SCLT1: variants seen among roughly 807,000 people sequenced by gnomAD.
SCLT1 encodes sodium channel and clathrin linker 1.
In SCLT1, 78 loss-of-function variants were observed where a neutral mutation model predicts 112.8. The observed-to-expected ratio is 0.69, with a 90% CI of 0.58 to 0.83. The LOEUF (loss-of-function observed/expected upper bound fraction) is 0.83, where lower values mean the gene tolerates loss of function less well. Ranked by LOEUF, SCLT1 falls within the 40% of genes least tolerant of loss-of-function variation. The probability of loss-of-function intolerance (pLI) is 0.00; values close to 1 mark genes in which losing one functional copy is unlikely to be tolerated. For missense variants in SCLT1, 747 were observed against 770.4 expected (o/e 0.97, Z 0.36); for synonymous variants, 257 against 254.7 (o/e 1.01, Z -0.09).
At chr4:128,958,175 C>T (rs143402138) in intron 12 of SCLT1, among the ~76,000 whole-genome samples, 1 of 152,246 alleles carries the variant, frequency 6.6e-6, no homozygotes, top group African/African-American at 2.4e-5. Flanking sequence ...TGTTCTGTTC[C>T]CACCATCTTC....
intron 18 of SCLT1, among the ~76,000 whole-genome samples, chr4:128,919,877 T>C (rs1241536512): frequency 1.3e-5 from 2 of 151,838 alleles, no homozygotes; most frequent in African/African-American, 4.8e-5. Context: ...AACAAACCAA[T>C]AGTGAGTTCA....
Position 129,040,050 on chromosome 4 carries a change from A to G in SCLT1, c.235-954T>C, listed in dbSNP as rs1174616253. On this transcript the variant is annotated intron_variant, in intron 4 of 20. Transcript: ENST00000281142. ...GCTAAAGGAGAGAAGCTTATCCTGG[A>G]GTACACTTTCGCAAGGGCCAGGTGG... 5 of 629,686 alleles carry G rather than the reference A, an allele frequency of 7.9e-6. No individual in the cohort carries two copies. The East Asian group carries it at 1.4e-4, about 17-fold the overall frequency. The allele number at this position is 629,686 out of a possible 1,614,324, so 39.0% of individuals were successfully genotyped here.
chr4:128,924,858 A>G (rs997332172), intron 18 of SCLT1, among the ~76,000 whole-genome samples: 1 of 152,170 alleles, frequency 6.6e-6, no homozygotes, highest in Non-Finnish European at 1.5e-5. Context: ...AATTGATAGA[A>G]TATGGTTAAC....
At chr4:129,057,721 G>A (rs1749560568) in intron 2 of SCLT1, among the ~76,000 whole-genome samples, 1 of 151,218 alleles carries the variant, frequency 6.6e-6, no homozygotes, top group Non-Finnish European at 1.5e-5. Flanking sequence ...GTTCACAATA[G>A]TCCTATTGAT....
intron 18 of SCLT1, among the ~76,000 whole-genome samples, chr4:128,899,510 T>C (rs1469349789): frequency 6.6e-5 from 10 of 152,300 alleles, no homozygotes; most frequent in Admixed American, 3.3e-4. Flanking sequence ...AATTAGGTAT[T>C]AATGGGACGT....
chr4:128,883,253 G>C (rs1000364840), downstream of SCLT1, among the ~76,000 whole-genome samples: 1 of 151,604 alleles, frequency 6.6e-6, no homozygotes, highest in African/African-American at 2.4e-5. Flanking sequence ...ATCCAAGTCA[G>C]AGCATAAGAA....
intron 5 of SCLT1, among the ~76,000 whole-genome samples, chr4:129,034,379 C>G (rs1283920242): frequency 1.3e-5 from 2 of 150,986 alleles, no homozygotes; most frequent in Non-Finnish European, 3.0e-5. Flanking sequence ...AAAATAATTC[C>G]ATTGTATAAT....
chr4:128,903,076 T>TA (rs66863573), intron 18 of SCLT1, among the ~76,000 whole-genome samples: 12 of 150,474 alleles, frequency 8.0e-5, no homozygotes, highest in East Asian at 1.9e-4. Context: ...ACAGTTAACT[T>TA]AAAAAAAAAA....
intron 18 of SCLT1, among the ~76,000 whole-genome samples, chr4:128,911,002 G>A (rs1406362630): frequency 6.6e-6 from 1 of 152,010 alleles, no homozygotes; most frequent in African/African-American, 2.4e-5. Context: ...GGTGGCTCAC[G>A]CCTGTAATCC....
At chr4:128,890,472 A>G (rs1352985281) in intron 19 of SCLT1, among the ~76,000 whole-genome samples, 1 of 152,176 alleles carries the variant, frequency 6.6e-6, no homozygotes, top group African/African-American at 2.4e-5. Flanking sequence ...CGATTTCACT[A>G]TAGCTACTAC....
At chr4:129,033,502 TAAAAAAAAAA>T (rs56325033) in intron 5 of SCLT1, among the ~76,000 whole-genome samples, 8 of 44,302 alleles carry the variant, frequency 1.8e-4, no homozygotes, top group African/African-American at 5.5e-4. Context: ...GAACTTAAAG[TAAAAAAAAAA>T]AAAAAAAAAA....
At chr4:129,088,909 A>T (rs765041386) in intron 1 of SCLT1, among the ~76,000 whole-genome samples, 7 of 152,186 alleles carry the variant, frequency 4.6e-5, no homozygotes, top group Non-Finnish European at 1.0e-4. Flanking sequence ...CCTAGAAGAA[A>T]ACCTAGGCAA....
intron 10 of SCLT1, among the ~76,000 whole-genome samples, chr4:128,968,738 A>G (rs1389586870): frequency 1.3e-5 from 2 of 152,346 alleles, no homozygotes; most frequent in African/African-American, 4.8e-5. Flanking sequence ...CAAGTAGACA[A>G]TTATCTTGCT....
In SCLT1 at chr4:128,956,965, A is replaced by G. The variant is rs1012573337; in HGVS notation, c.1146+61T>C. 3.3e-5 allele frequency: 27 copies of G among 829,906 alleles called. No homozygotes were observed. In the African/African-American group the frequency reaches 3.7e-4, roughly 11 times the overall value. 51.4% of individuals were successfully genotyped at this position (829,906 alleles called of 1,614,324 possible). A position where few individuals can be genotyped will look rare whatever the true frequency, so the allele number is the denominator to read the frequency against. On this transcript the variant is annotated intron_variant, in intron 13 of 20. Coordinates refer to ENST00000281142, the MANE Select transcript of SCLT1 (RefSeq NM_144643.4). ...AATTTTAATTTACAAATATTTAGGT[A>G]GAATTTAGTCTTTAGTTGTGACTTA...
chr4:128,876,146 T>C (rs1732514622), intron 4 of SCLT1, among the ~76,000 whole-genome samples: 1 of 152,224 alleles, frequency 6.6e-6, no homozygotes, highest in Non-Finnish European at 1.5e-5. Context: ...TCATGTAGAT[T>C]ATAATGATTA....
chr4:128,985,411 C>T (rs1041704812), intron 9 of SCLT1, among the ~76,000 whole-genome samples: 2 of 152,228 alleles, frequency 1.3e-5, no homozygotes, highest in African/African-American at 4.8e-5. Flanking sequence ...TTACACTCCA[C>T]ATTTTTACAT....
chr4:128,953,998 G>C (rs4323125), intron 13 of SCLT1, among the ~76,000 whole-genome samples: 3,834 of 152,074 alleles, frequency 0.025, 145 homozygotes, highest in African/African-American at 0.076. Context: ...TCAGAAAGAA[G>C]ACTATTAATG....
At chr4:128,987,264 C>T (rs1236609658) in intron 9 of SCLT1, among the ~76,000 whole-genome samples, 1 of 152,106 alleles carries the variant, frequency 6.6e-6, no homozygotes, top group Non-Finnish European at 1.5e-5. Context: ...AATTATAATA[C>T]CTAACTCTTC....
chr4:129,025,174 A>G (rs1256393082), intron 5 of SCLT1, among the ~76,000 whole-genome samples: 8 of 152,334 alleles, frequency 5.3e-5, no homozygotes, highest in Admixed American at 3.3e-4. Flanking sequence ...GCAGGCCAAC[A>G]TTCACATTCA....
Sources: gnomAD v4.1 joint callset for allele counts (sites outside exome capture counted in the v4.1 genomes callset) on GRCh38, gnomAD v4.1.1 for gene constraint, MANE v1.5 for transcripts, NCBI Gene and HGNC (gene_info 2026-07-23, HGNC 2026-07-21) for gene names.